The following PDE11A variants were observed in gnomAD, a reference collection of about 807,000 sequenced individuals.
The protein encoded by PDE11A is dual 3',5'-cyclic-AMP and -GMP phosphodiesterase 11A.
PDE11A carries 100 observed loss-of-function variants against 100.5 expected under a neutral mutation model. That is an observed-to-expected ratio of 1.00 (90% CI 0.85 to 1.18). The LOEUF is 1.18. PDE11A is among the 50% of genes most tolerant of loss of function. The probability of loss-of-function intolerance (pLI) is 0.00; values close to 1 mark genes in which losing one functional copy is unlikely to be tolerated. For synonymous variants in PDE11A, 381 were observed against 420.8 expected (o/e 0.91, Z 1.16); for missense variants, 1,141 against 1,152.6 (o/e 0.99, Z 0.15).
chr2:177,988,867 T>C (rs1159010368), intron 2 of PDE11A, among the ~76,000 whole-genome samples: 1 of 152,246 alleles, frequency 6.6e-6, no homozygotes, highest in Non-Finnish European at 1.5e-5. Flanking sequence ...CTGAGTCCTC[T>C]GAAACCTTTG....
chr2:178,039,655 AAAATAAAAATAAAT>A (rs1243483177), intron 1 of PDE11A, among the ~76,000 whole-genome samples: 1 of 151,898 alleles, frequency 6.6e-6, no homozygotes, highest in Non-Finnish European at 1.5e-5. Flanking sequence ...ATAAAAGCAA[AAAATAAAAATAAAT>A]AAATAAAAAT....
At chr2:178,044,392 T>G (rs1231378347) in intron 1 of PDE11A, among the ~76,000 whole-genome samples, 1 of 146,950 alleles carries the variant, frequency 6.8e-6, no homozygotes, top group Non-Finnish European at 1.5e-5. Flanking sequence ...ATATAAACTT[T>G]ATATGTTTAT....
At chr2:177,948,971 T>G (rs1337748130) in intron 2 of PDE11A, among the ~76,000 whole-genome samples, 1 of 152,240 alleles carries the variant, frequency 6.6e-6, no homozygotes, top group Non-Finnish European at 1.5e-5. Context: ...TTAATCTTTT[T>G]GCATGGCATA....
intron 2 of PDE11A, among the ~76,000 whole-genome samples, chr2:177,970,954 A>C (rs1313030595): frequency 6.6e-6 from 1 of 152,198 alleles, no homozygotes; most frequent in African/African-American, 2.4e-5. Flanking sequence ...GACCATGATT[A>C]CTTGTTACCT....
chr2:177,702,571 A>G (rs1283296586), intron 13 of PDE11A: 1 of 152,178 alleles, frequency 6.6e-6, no homozygotes, highest in African/African-American at 2.4e-5. Context: ...TGCTAGTGAG[A>G]GAAGCAAGGA....
chr2:177,642,287 C>T (rs1284346710), intron 19 of PDE11A, among the ~76,000 whole-genome samples: 2 of 152,174 alleles, frequency 1.3e-5, no homozygotes, highest in African/African-American at 4.8e-5. Flanking sequence ...AAGTAAGAGG[C>T]AGAGTCACCC....
At chr2:177,661,181 C>T (rs1238552598) in intron 19 of PDE11A, among the ~76,000 whole-genome samples, 2 of 152,210 alleles carry the variant, frequency 1.3e-5, no homozygotes, top group Non-Finnish European at 2.9e-5. Flanking sequence ...GTGTACTCCT[C>T]GGTATTCTTT....
At chr2:177,841,509 A>G (rs899654374) in intron 5 of PDE11A, among the ~76,000 whole-genome samples, 20 of 152,330 alleles carry the variant, frequency 1.3e-4, no homozygotes, top group Middle Eastern at 3.4e-3. Context: ...AAATGTGCAC[A>G]TCGTCTTTGT....
At chr2:177,668,765 T>C (rs1417399569) in intron 18 of PDE11A, among the ~76,000 whole-genome samples, 2 of 152,220 alleles carry the variant, frequency 1.3e-5, no homozygotes, top group Non-Finnish European at 2.9e-5. Context: ...ATACCTTCCT[T>C]GAGTATCACT....
chr2:177,843,285 T>C (rs111856114), intron 5 of PDE11A, among the ~76,000 whole-genome samples: 6,551 of 152,282 alleles, frequency 0.043, 205 homozygotes, highest in Middle Eastern at 0.12. Context: ...TCCTAAATTA[T>C]AGTATTTTTC....
At chr2:177,721,643 C>T (rs954338857) in intron 12 of PDE11A, among the ~76,000 whole-genome samples, 3 of 152,056 alleles carry the variant, frequency 2.0e-5, no homozygotes, top group Admixed American at 6.6e-5. Context: ...AGGACAAGGA[C>T]GGTATGTTTT....
chr2:177,818,008 T>G lies in PDE11A; in HGVS notation c.1577-83A>C, dbSNP rs1021024658. 21 of 763,136 alleles carry G rather than the reference T, an allele frequency of 2.8e-5. No individual in the cohort carries two copies. In the South Asian group the frequency reaches 3.0e-4, roughly 11 times the overall value. The allele number at this position is 763,136 out of a possible 1,614,324, so 47.3% of individuals were successfully genotyped here. ...AATAGAGTAGCCACAGCTAACTCTA[T>G]GCCTTTTTTAAGGAACTGCACTCAG... is the stretch of plus-strand genomic sequence containing the variant. On this transcript the variant is annotated intron_variant, in intron 7 of 19. Coordinates refer to ENST00000286063, the MANE Select transcript of PDE11A (RefSeq NM_016953.4).
At chr2:177,991,693 T>C (rs1171269462) in intron 2 of PDE11A, among the ~76,000 whole-genome samples, 1 of 151,286 alleles carries the variant, frequency 6.6e-6, no homozygotes, top group African/African-American at 2.4e-5. Flanking sequence ...ATATATATAC[T>C]CTTTTCATAT....
chr2:177,889,082 T>G (rs1319383030), intron 4 of PDE11A, among the ~76,000 whole-genome samples: 2 of 152,224 alleles, frequency 1.3e-5, no homozygotes, highest in African/African-American at 4.8e-5. Flanking sequence ...GAAGGGCTTC[T>G]TAGAACTACA....
intron 1 of PDE11A, among the ~76,000 whole-genome samples, chr2:178,047,917 C>T (rs1344129230): frequency 6.6e-6 from 1 of 152,092 alleles, no homozygotes; most frequent in Non-Finnish European, 1.5e-5. Flanking sequence ...GATTTATGCC[C>T]CTTCTTGCTC....
intron 1 of PDE11A, among the ~76,000 whole-genome samples, chr2:178,045,991 T>C (rs925471148): frequency 6.6e-6 from 1 of 152,188 alleles, no homozygotes. Flanking sequence ...AGATGGATAA[T>C]TTGAGTTTGC....
intron 9 of PDE11A, among the ~76,000 whole-genome samples, chr2:177,770,098 T>C (rs1464971167): frequency 2.0e-5 from 3 of 152,312 alleles, no homozygotes; most frequent in East Asian, 3.9e-4. Context: ...AAAGATTATA[T>C]TGATATATAT....
At chr2:177,911,316 A>G (rs2084878187) in intron 2 of PDE11A, among the ~76,000 whole-genome samples, 1 of 152,246 alleles carries the variant, frequency 6.6e-6, no homozygotes, top group African/African-American at 2.4e-5. Context: ...ATTAAAAATA[A>G]TTTTTAAATG....
At chr2:178,075,022 C>A (rs1422072401), upstream of PDE11A, among the ~76,000 whole-genome samples, 1 of 152,128 alleles carries the variant, frequency 6.6e-6, no homozygotes, top group Non-Finnish European at 1.5e-5. Flanking sequence ...ATAGTCCCAA[C>A]AGGAAACAGA....
Sources: gnomAD v4.1 joint callset for allele counts (sites outside exome capture counted in the v4.1 genomes callset) on GRCh38, gnomAD v4.1.1 for gene constraint, MANE v1.5 for transcripts, NCBI Gene and HGNC (gene_info 2026-07-23, HGNC 2026-07-21) for gene names.